Variants in NUFIP1 observed in about 807,000 individuals in gnomAD.
The protein encoded by NUFIP1 is nuclear FMR1 interacting protein 1, also known as FMR1-interacting protein NUFIP1.
In NUFIP1, 38 loss-of-function variants were observed where a neutral mutation model predicts 56.2. The ratio of observed to expected loss-of-function variants is 0.68; its 90% confidence interval spans 0.52 to 0.89. NUFIP1 has a LOEUF of 0.89. Ranked by LOEUF, NUFIP1 falls within the 40% of genes least tolerant of loss-of-function variation. The pLI is 0.00. For missense variants in NUFIP1, 567 were observed against 605.8 expected (o/e 0.94, Z 0.67); for synonymous variants, 215 against 212.4 (o/e 1.01, Z -0.10).
At chr13:44,979,095 G>T in intron 5 of NUFIP1, 95 bp downstream of exon 5, 2 of 994,846 alleles carry the variant, frequency 2.0e-6, no homozygotes, top group Non-Finnish European at 3.0e-6. Context: ...CTCTTCCCTA[G>T]TTCCAACATT....
intron 7 of NUFIP1, among the ~76,000 whole-genome samples, chr13:44,955,216 T>C (rs920473856): frequency 5.3e-5 from 8 of 152,178 alleles, no homozygotes; most frequent in East Asian, 3.8e-4. Context: ...TAAAAAAATA[T>C]GCTAGTAAGG....
At chr13:44,955,768 T>C (rs906803606) in intron 7 of NUFIP1, among the ~76,000 whole-genome samples, 3 of 151,892 alleles carry the variant, frequency 2.0e-5, no homozygotes, top group Admixed American at 1.3e-4. Flanking sequence ...CTGGGCCGCA[T>C]TGGAAGAACT....
At chr13:44,978,885 T>G (rs1240085692) in intron 5 of NUFIP1, among the ~76,000 whole-genome samples, 1 of 152,314 alleles carries the variant, frequency 6.6e-6, no homozygotes, top group South Asian at 2.1e-4. Context: ...AATACACTTC[T>G]GTATAATACA....
In NUFIP1 at chr13:44,976,714, A is replaced by G. The variant is rs191582920; in HGVS notation, c.734+2476T>C. Among the ~76,000 whole-genome samples, 78 of 152,294 alleles carry G rather than the reference A, an allele frequency of 5.1e-4. 1 individual carries two copies. Among genetic ancestry groups the G allele is most frequent in the African/African-American group, 1.7e-3 (72 of 41,572 alleles). ...ATTTTATGTTGCTATAACTGAATAC[A>G]TCATAAGATTGGATAATTTATAAAG... is the stretch of plus-strand genomic sequence containing the variant. On this transcript the variant is annotated intron_variant, in intron 5 of 9. Transcript: ENST00000379161.
chr13:44,943,650 T>A lies in NUFIP1; in HGVS notation c.1163A>T (p.Asp388Val). The change falls in exon 9 of 10, where the codon GAC (aspartate) becomes GTC (valine). Residue 388 changes from aspartate to valine, a missense_variant. Transcript: ENST00000379161. ...PEETPIKTEA[D>V]VLAENQVLDS... ...AAGAACCTGGTTTTCTGCCAAAACGTCTGCTTCAGTCTTGATGGGAGTTTC... is the reference window on the plus strand; with the variant it reads ...AAGAACCTGGTTTTCTGCCAAAACGACTGCTTCAGTCTTGATGGGAGTTTC... 2 of 1,612,444 alleles carry A rather than the reference T, an allele frequency of 1.2e-6. No homozygotes were observed. The highest frequency in any genetic ancestry group is 1.7e-6 in the Non-Finnish European group (2 of 1,179,538).
At chr13:44,982,850 A>G (rs1872241560) in intron 1 of NUFIP1, among the ~76,000 whole-genome samples, 1 of 152,092 alleles carries the variant, frequency 6.6e-6, no homozygotes, top group South Asian at 2.1e-4. Flanking sequence ...CTACAAAAAA[A>G]TTTAAAAATT....
intron 8 of NUFIP1, among the ~76,000 whole-genome samples, chr13:44,946,296 A>C (rs1870900015): frequency 6.6e-6 from 1 of 152,152 alleles, no homozygotes; most frequent in South Asian, 2.1e-4. Flanking sequence ...TCACCAATTA[A>C]ATTTTAAATA....
intron 5 of NUFIP1, among the ~76,000 whole-genome samples, chr13:44,969,342 G>GA (rs936648001): frequency 1.3e-5 from 2 of 150,622 alleles, no homozygotes; most frequent in African/African-American, 4.9e-5. Context: ...AATGAATAAC[G>GA]AAAAAAAAGG....
chr13:44,954,011 A>AAAAG lies in NUFIP1; in HGVS notation c.1022-4177_1022-4174dup, dbSNP rs561222035. ...TCTCCTACAGTAACTTTTCATCTTA[A>AAAAG]AAAGAAAGAAAGAAAGAAAGAAAAG... On this transcript the variant is annotated intron_variant, in intron 7 of 9. Coordinates refer to ENST00000379161, the MANE Select transcript of NUFIP1 (RefSeq NM_012345.3). Among the ~76,000 whole-genome samples the AAAAG allele has an allele frequency of 2.0e-3, 309 of 152,136 alleles. 5 individuals are homozygous for AAAAG. The highest frequency in any genetic ancestry group is 6.6e-3 in the African/African-American group (276 of 41,538).
At chr13:44,946,070 T>C (rs909298133) in intron 8 of NUFIP1, among the ~76,000 whole-genome samples, 1 of 152,104 alleles carries the variant, frequency 6.6e-6, no homozygotes, top group African/African-American at 2.4e-5. Context: ...ATCTATAAAA[T>C]AGAGATGATA....
At chr13:44,973,189 C>T (rs188579519) in intron 5 of NUFIP1, among the ~76,000 whole-genome samples, 13 of 152,236 alleles carry the variant, frequency 8.5e-5, no homozygotes, top group African/African-American at 2.4e-4. Flanking sequence ...AGTTCACATT[C>T]GTGTAGGGAA....
At chr13:44,959,666 C>T (rs1871356964) in intron 6 of NUFIP1, 92 bp from the exon 7 acceptor site, 1 of 978,544 alleles carries the variant, frequency 1.0e-6, no homozygotes, top group Admixed American at 2.3e-5. Context: ...AGAAACCTAG[C>T]TGTAAAACTG....
intron 8 of NUFIP1, among the ~76,000 whole-genome samples, chr13:44,946,074 G>T (rs942121168): frequency 6.6e-6 from 1 of 152,060 alleles, no homozygotes; most frequent in African/African-American, 2.4e-5. Context: ...ATAAAATAGA[G>T]ATGATAAATA....
chr13:44,957,702 T>A (rs1216713848), intron 7 of NUFIP1, among the ~76,000 whole-genome samples: 2 of 152,210 alleles, frequency 1.3e-5, no homozygotes, highest in African/African-American at 4.8e-5. Flanking sequence ...ATACTTTTTT[T>A]TTTTAAATAA....
At chr13:44,981,498 T>C (rs955893397) in intron 2 of NUFIP1, among the ~76,000 whole-genome samples, 3 of 152,216 alleles carry the variant, frequency 2.0e-5, no homozygotes, top group Admixed American at 2.0e-4. Context: ...ACTGCACCTC[T>C]AACTGTTGCG....
chr13:44,971,911 AT>A (rs11316355), intron 5 of NUFIP1, among the ~76,000 whole-genome samples: 88,856 of 151,182 alleles, frequency 0.59, 31,157 homozygotes, highest in Non-Finnish European at 0.78. Context: ...CCCTGGATTT[AT>A]TTTTTTTTTA....
chr13:44,951,532 T>C (rs185600463), intron 7 of NUFIP1, among the ~76,000 whole-genome samples: 53 of 152,362 alleles, frequency 3.5e-4, no homozygotes, highest in African/African-American at 1.3e-3. Flanking sequence ...GAAGCCATCC[T>C]ATCAAAGTGT....
intron 2 of NUFIP1, 35 bp downstream of exon 2, chr13:44,982,037 C>A (rs759035890): frequency 3.4e-6 from 4 of 1,181,864 alleles, no homozygotes; most frequent in Admixed American, 2.7e-5. Context: ...AACATAGGGA[C>A]CAAGGGGTCA....
chr13:44,988,935 G>A (rs937437366), intron 1 of NUFIP1, 90 bp downstream of exon 1: 4 of 1,336,752 alleles, frequency 3.0e-6, no homozygotes, highest in Non-Finnish European at 4.2e-6. Flanking sequence ...GCAGAGGCAA[G>A]GCAGAGTAGA....
Sources: gnomAD v4.1 joint callset for allele counts (sites outside exome capture counted in the v4.1 genomes callset) on GRCh38, gnomAD v4.1.1 for gene constraint, MANE v1.5 for transcripts, NCBI Gene and HGNC (gene_info 2026-07-23, HGNC 2026-07-21) for gene names.